The following GAB1 variants were observed in gnomAD, a reference collection of about 807,000 sequenced individuals.
GAB1 encodes the protein GRB2-associated-binding protein 1.
In GAB1, 19 loss-of-function variants were observed where a neutral mutation model predicts 66.5. The ratio of observed to expected loss-of-function variants is 0.29; its 90% confidence interval spans 0.20 to 0.42. GAB1 has a LOEUF of 0.42. GAB1 is among the 10% of genes least tolerant of loss of function. GAB1 has a pLI of 1.00. For synonymous variants in GAB1, 294 were observed against 301.4 expected, an observed-to-expected ratio of 0.98 and a Z score of 0.25; for missense variants, 732 against 858.5, an observed-to-expected ratio of 0.85 and a Z score of 1.84.
chr4:143,464,512 G>A (rs1192810273), intron 8 of GAB1, among the ~76,000 whole-genome samples: 1 of 152,162 alleles, frequency 6.6e-6, no homozygotes, highest in Admixed American at 6.5e-5. Context: ...TTACAGGCCT[G>A]AGCCACCGCG....
At chr4:143,377,409 T>G (rs1008773913) in intron 1 of GAB1, among the ~76,000 whole-genome samples, 1 of 152,190 alleles carries the variant, frequency 6.6e-6, no homozygotes, top group African/African-American at 2.4e-5. Context: ...GAAAAAACTT[T>G]CAACCATGTA....
chr4:143,460,540 A>G, intron 8 of GAB1, 53 bp downstream of exon 8: 6 of 1,562,286 alleles, frequency 3.8e-6, no homozygotes, highest in Non-Finnish European at 5.3e-6. Context: ...CAGTCATTCA[A>G]GCTAGAACTG....
chr4:143,418,849 T>C (rs1578685290), intron 2 of GAB1, among the ~76,000 whole-genome samples: 1 of 152,308 alleles, frequency 6.6e-6, no homozygotes, highest in East Asian at 1.9e-4. Context: ...CTCAAGTGTC[T>C]GAGATTAACT....
chr4:143,447,080 G>C (rs1734596923), intron 6 of GAB1, among the ~76,000 whole-genome samples: 1 of 152,014 alleles, frequency 6.6e-6, no homozygotes, highest in Admixed American at 6.6e-5. Context: ...GTTTTTCTCA[G>C]GTTTGTCAAA....
chr4:143,418,361 T>C (rs761483384), intron 2 of GAB1, among the ~76,000 whole-genome samples: 14 of 152,328 alleles, frequency 9.2e-5, no homozygotes, highest in Non-Finnish European at 1.8e-4. Context: ...GCATTTATAG[T>C]TTATATTTGA....
chr4:143,460,637 T>C (rs1335652624), intron 8 of GAB1, 150 bp downstream of exon 8: 4 of 689,446 alleles, frequency 5.8e-6, no homozygotes, highest in Non-Finnish European at 9.1e-6. Flanking sequence ...TTAAAAATAA[T>C]GTCATAAACT....
intron 1 of GAB1, among the ~76,000 whole-genome samples, chr4:143,381,404 A>G (rs537173205): frequency 5.4e-4 from 82 of 152,234 alleles, no homozygotes; most frequent in African/African-American, 1.9e-3. Context: ...GGCAGACAGG[A>G]TGTAAGCACT....
intron 9 of GAB1, among the ~76,000 whole-genome samples, chr4:143,468,361 C>T (rs1008138836): frequency 2.0e-5 from 3 of 151,076 alleles, no homozygotes; most frequent in South Asian, 2.1e-4. Context: ...ATTACAGGCG[C>T]GTGCCACCAT....
At chr4:143,351,683 C>G (rs1466228156) in intron 1 of GAB1, among the ~76,000 whole-genome samples, 3 of 152,166 alleles carry the variant, frequency 2.0e-5, no homozygotes, top group African/African-American at 7.2e-5. Context: ...TTAAAGGGAC[C>G]AGGCTCTTCC....
At chr4:143,465,934 A>T in intron 8 of GAB1, 169 bp from the exon 9 acceptor site, 1 of 609,432 alleles carries the variant, frequency 1.6e-6, no homozygotes, top group Non-Finnish European at 2.7e-6. Context: ...GCTAGGCTTT[A>T]ATCAGTTTTT....
rs199870847 is a variant in GAB1, at chr4:143,433,526, C to T, written c.403C>T (p.Pro135Ser). 6.2e-7 allele frequency: 1 copy of T among 1,613,954 alleles called. No homozygotes were observed. The highest frequency in any genetic ancestry group is 8.5e-7 in the Non-Finnish European group (1 of 1,179,892). Residue 135 changes from proline to serine, a missense_variant, in exon 3 of 10, where the codon CCA (proline) becomes TCA (serine). Transcript: ENST00000262994. ...VKPPGSSLQA[P>S]ADLPLAINTA... ...GCCACCTGGCAGCTCTTTACAAGCA[C>T]CAGCTGATTTACCTTTAGCTATAAA...
intron 1 of GAB1, among the ~76,000 whole-genome samples, chr4:143,340,762 A>G (rs902622616): frequency 5.3e-5 from 8 of 152,320 alleles, no homozygotes; most frequent in African/African-American, 1.9e-4. Flanking sequence ...TCAGCCTCCC[A>G]AAGTCCTGGG....
chr4:143,446,786 C>T (rs1340067899), intron 6 of GAB1, among the ~76,000 whole-genome samples: 3 of 151,676 alleles, frequency 2.0e-5, no homozygotes, highest in African/African-American at 4.8e-5. Context: ...TGTGCAGAAG[C>T]TCTTTAGTTT....
intron 1 of GAB1, among the ~76,000 whole-genome samples, chr4:143,409,617 A>G (rs1732260890): frequency 2.0e-5 from 3 of 152,214 alleles, no homozygotes; most frequent in African/African-American, 7.2e-5. Flanking sequence ...GTTCCAATCT[A>G]TTCTACAGCA....
In GAB1 at chr4:143,472,871, T is replaced by C. The variant is rs369974555; in HGVS notation, c.*3682T>C. ...ATCTGATGTTACATGCACATTTATA[T>C]ATATATAATTTTAAAAACTGAACTA... On this transcript the variant is annotated 3_prime_UTR_variant, in exon 10 of 10. Transcript: ENST00000262994. 6.6e-6 allele frequency: 1 copy of C among 152,198 alleles called. No homozygotes were observed. The highest frequency in any genetic ancestry group is 6.5e-5 in the Admixed American group (1 of 15,270). The allele number at this position is 152,198 out of a possible 1,614,324, so 9.4% of individuals were successfully genotyped here.
intron 1 of GAB1, among the ~76,000 whole-genome samples, chr4:143,347,124 T>G (rs1729014392): frequency 1.3e-5 from 2 of 152,226 alleles, no homozygotes; most frequent in African/African-American, 2.4e-5. Context: ...CATTCTTCGG[T>G]GTTTGTAATA....
At chr4:143,388,586 T>C (rs907908405) in intron 1 of GAB1, among the ~76,000 whole-genome samples, 2 of 152,152 alleles carry the variant, frequency 1.3e-5, no homozygotes, top group African/African-American at 4.8e-5. Flanking sequence ...AGCTAATTTT[T>C]GTATTTTTGG....
intron 1 of GAB1, among the ~76,000 whole-genome samples, chr4:143,387,216 C>G (rs1730959229): frequency 6.6e-6 from 1 of 152,220 alleles, no homozygotes; most frequent in African/African-American, 2.4e-5. Context: ...ATCACAACCT[C>G]TGCCTCCTGG....
intron 1 of GAB1, among the ~76,000 whole-genome samples, chr4:143,345,631 C>T (rs1728962321): frequency 6.6e-6 from 1 of 152,172 alleles, no homozygotes; most frequent in South Asian, 2.1e-4. Flanking sequence ...AAGCATCAAA[C>T]TTCCATTTTA....
Sources: gnomAD v4.1 joint callset for allele counts (sites outside exome capture counted in the v4.1 genomes callset) on GRCh38, gnomAD v4.1.1 for gene constraint, MANE v1.5 for transcripts, NCBI Gene and HGNC (gene_info 2026-07-23, HGNC 2026-07-21) for gene names.